MYO3B: variants seen among roughly 807,000 people sequenced by gnomAD.
MYO3B encodes the protein myosin-IIIb.
In MYO3B, 156 loss-of-function variants were observed where a neutral mutation model predicts 174.6. The ratio of observed to expected loss-of-function variants is 0.89; its 90% CI spans 0.78 to 1.02. The LOEUF (loss-of-function observed/expected upper bound fraction) is 1.02. Among genes scored for constraint, MYO3B ranks in the 50% least tolerant of loss-of-function variants. MYO3B has a pLI of 0.00. For missense variants in MYO3B, 1,632 were observed against 1,639.4 expected (o/e 1.00, Z 0.08); for synonymous variants, 563 against 569.1 (o/e 0.99, Z 0.15).
chr2:170,568,721 A>G (rs529099006), intron 32 of MYO3B, among the ~76,000 whole-genome samples: 1 of 152,226 alleles, frequency 6.6e-6, no homozygotes, highest in African/African-American at 2.4e-5. Flanking sequence ...CTTGAAATAT[A>G]AGGATTAAGA....
intron 25 of MYO3B, among the ~76,000 whole-genome samples, chr2:170,478,925 C>CACAT (rs202239702): frequency 2.1e-5 from 3 of 144,082 alleles, no homozygotes; most frequent in Non-Finnish European, 3.0e-5. Flanking sequence ...CACACACACA[C>CACAT]TAAACCTATA....
At chr2:170,445,527 G>A (rs944611899) in intron 23 of MYO3B, among the ~76,000 whole-genome samples, 3 of 152,072 alleles carry the variant, frequency 2.0e-5, no homozygotes, top group Non-Finnish European at 4.4e-5. Flanking sequence ...TTTTAGTAGA[G>A]ACGGGGTTTC....
chr2:170,213,880 C>A (rs2092799599), intron 3 of MYO3B, among the ~76,000 whole-genome samples: 1 of 152,150 alleles, frequency 6.6e-6, no homozygotes, highest in Non-Finnish European at 1.5e-5. Context: ...GGTTGGGCTT[C>A]TGATACGTGC....
chr2:170,636,957 C>CGTGTGTGTGTGTGT (rs3047156), intron 32 of MYO3B, among the ~76,000 whole-genome samples: 30 of 146,670 alleles, frequency 2.0e-4, no homozygotes, highest in African/African-American at 5.8e-4. Context: ...TGCTTTTGTG[C>CGTGTGTGTGTGTGT]GTGTGTGTGT....
chr2:170,368,619 T>A lies in MYO3B; in HGVS notation c.816-603T>A, dbSNP rs148713641. On this transcript the variant is annotated intron_variant, in intron 8 of 34. Coordinates refer to ENST00000408978, the MANE Select transcript of MYO3B (RefSeq NM_138995.5). ...TCGAATGGACTTTTTGTTCCCTGTT[T>A]GTATAATTCTATTCCAATTCATCTG... Among the ~76,000 whole-genome samples the A allele has an allele frequency of 2.0e-5, 3 of 152,382 alleles. No homozygotes were observed. The East Asian group carries it at 5.8e-4, about 29-fold the overall frequency.
At chr2:170,568,624 C>T (rs1177684032) in intron 32 of MYO3B, among the ~76,000 whole-genome samples, 2 of 152,200 alleles carry the variant, frequency 1.3e-5, no homozygotes, top group South Asian at 2.1e-4. Context: ...CCACATTCTG[C>T]AGAGGCTCTT....
chr2:170,229,666 A>T (rs913200360), intron 6 of MYO3B, among the ~76,000 whole-genome samples: 7 of 152,242 alleles, frequency 4.6e-5, no homozygotes, highest in Non-Finnish European at 7.3e-5. Context: ...TCTCTGACAT[A>T]AAATTCGATA....
chr2:170,209,864 T>C (rs1415065097), intron 3 of MYO3B, among the ~76,000 whole-genome samples: 1 of 152,166 alleles, frequency 6.6e-6, no homozygotes. Context: ...CTAAATAATA[T>C]TGAACACCAT....
intron 23 of MYO3B, among the ~76,000 whole-genome samples, chr2:170,460,891 TTC>T (rs1306101209): frequency 6.6e-6 from 1 of 152,216 alleles, no homozygotes; most frequent in African/African-American, 2.4e-5. Flanking sequence ...ATGTGAAATT[TTC>T]TTATAAGAGT....
chr2:170,635,835 TTAATCAA>T (rs1379454788), intron 32 of MYO3B, among the ~76,000 whole-genome samples: 9 of 152,056 alleles, frequency 5.9e-5, no homozygotes, highest in Non-Finnish European at 1.0e-4. Flanking sequence ...GAAAATGAAT[TTAATCAA>T]TAATGTAAAC....
intron 25 of MYO3B, among the ~76,000 whole-genome samples, chr2:170,485,616 C>A (rs376254005): frequency 6.6e-6 from 1 of 152,116 alleles, no homozygotes; most frequent in Non-Finnish European, 1.5e-5. Context: ...TTTATTTAGC[C>A]GTTCCTCTAC....
intron 30 of MYO3B, among the ~76,000 whole-genome samples, chr2:170,537,448 A>ATTTTTTTTTTTTTTTTTTTTTTTTTTTTT (rs559086883): frequency 1.8e-5 from 1 of 54,824 alleles, no homozygotes; most frequent in Non-Finnish European, 3.2e-5. Context: ...GAGCTCTTTG[A>ATTTTTTTTTTTTTTTTTTTTTTTTTTTTT]TTTTTTTTTT....
chr2:170,291,362 T>C (rs1455515388), intron 7 of MYO3B, among the ~76,000 whole-genome samples: 1 of 152,206 alleles, frequency 6.6e-6, no homozygotes, highest in Non-Finnish European at 1.5e-5. Flanking sequence ...TTTACATAGT[T>C]TTATATTACT....
At chr2:170,510,535 A>G (rs1337298039) in intron 28 of MYO3B, among the ~76,000 whole-genome samples, 1 of 152,222 alleles carries the variant, frequency 6.6e-6, no homozygotes, top group East Asian at 1.9e-4. Context: ...CCCAAAATTC[A>G]TGTCCATTCA....
chr2:170,335,504 T>C (rs1230175592), intron 8 of MYO3B, 54 bp downstream of exon 8: 2 of 1,387,476 alleles, frequency 1.4e-6, no homozygotes, highest in Non-Finnish European at 1.0e-6. Context: ...TGAGCAGTGA[T>C]TGGAGAAATC....
At chr2:170,495,425 A>G (rs998123866) in intron 25 of MYO3B, among the ~76,000 whole-genome samples, 2 of 152,250 alleles carry the variant, frequency 1.3e-5, no homozygotes, top group Non-Finnish European at 2.9e-5. Context: ...CTGTTTACAT[A>G]TAGTACTGTT....
At chr2:170,217,220 C>A in intron 5 of MYO3B, 99 bp from the exon 6 acceptor site, 1 of 995,778 alleles carries the variant, frequency 1.0e-6, no homozygotes, top group East Asian at 2.4e-5. Context: ...GCCCACAAAG[C>A]CTAAAGTACT....
chr2:170,627,138 G>A (rs1438416689), intron 32 of MYO3B, among the ~76,000 whole-genome samples: 1 of 152,280 alleles, frequency 6.6e-6, no homozygotes, highest in East Asian at 1.9e-4. Context: ...GTAATATCCT[G>A]AAGAGGGTTT....
intron 7 of MYO3B, among the ~76,000 whole-genome samples, chr2:170,275,559 G>A (rs745579928): frequency 4.6e-5 from 7 of 151,958 alleles, no homozygotes; most frequent in South Asian, 2.1e-4. Flanking sequence ...CTTTTTATTC[G>A]TAGTTATGCT....
Sources: gnomAD v4.1 joint callset for allele counts (sites outside exome capture counted in the v4.1 genomes callset) on GRCh38, gnomAD v4.1.1 for gene constraint, MANE v1.5 for transcripts, NCBI Gene and HGNC (gene_info 2026-07-23, HGNC 2026-07-21) for gene names.